The following SPTA1 variants were observed in gnomAD, a reference collection of about 807,000 sequenced individuals.
The protein encoded by SPTA1 is spectrin alpha chain, erythrocytic 1.
A neutral mutation model predicts 324.7 loss-of-function variants in SPTA1; 177 were observed. That is an observed-to-expected ratio of 0.55 (90% CI 0.48 to 0.62). SPTA1 has a LOEUF of 0.62. Among genes scored for constraint, SPTA1 ranks in the 20% least tolerant of loss-of-function variants. The pLI, the probability that SPTA1 is intolerant of heterozygous loss-of-function variation, is 0.00. For synonymous variants in SPTA1, 1,195 were observed against 1,041.3 expected, an observed-to-expected ratio of 1.15 and a Z score of -2.84; for missense variants, 3,162 against 2,883.6, an observed-to-expected ratio of 1.10 and a Z score of -2.21.
At chr1:158,634,514 A>C in intron 39 of SPTA1, 29 bp downstream of exon 39, 1 of 1,613,182 alleles carries the variant, frequency 6.2e-7, no homozygotes, top group Non-Finnish European at 8.5e-7. Flanking sequence ...TGAAGAGAAG[A>C]AAATTGATTC....
rs535544776 is a variant in SPTA1 at position 158,666,255 on chromosome 1, C to A, written c.2220+61G>T. 8 of 1,543,794 alleles carry A rather than the reference C, an allele frequency of 5.2e-6. No individual in the cohort carries two copies. In the South Asian group the frequency reaches 9.0e-5, roughly 17 times the overall value. The stretch of plus-strand genomic sequence containing the variant: ...GTAATAATTACTTATTACTTAATAA[C>A]GAGTGTGCTCAGAGCATATACACCC... On this transcript the variant is annotated intron_variant, in intron 16 of 51. Transcript: ENST00000643759.
chr1:158,646,309 T>G (rs1651995110), intron 27 of SPTA1, among the ~76,000 whole-genome samples: 1 of 152,188 alleles, frequency 6.6e-6, no homozygotes. Context: ...TTACTCTTGT[T>G]TGCTCAACAG....
chr1:158,642,763 C>A, intron 32 of SPTA1, 51 bp downstream of exon 32: 1 of 1,613,316 alleles, frequency 6.2e-7, no homozygotes, highest in Non-Finnish European at 8.5e-7. Context: ...GACTATCCAA[C>A]CAACAAGCTC....
At chr1:158,661,061 AT>A (rs1165370131) in intron 18 of SPTA1, among the ~76,000 whole-genome samples, 1 of 152,204 alleles carries the variant, frequency 6.6e-6, no homozygotes, top group Non-Finnish European at 1.5e-5. Flanking sequence ...TACTTTAATA[AT>A]TTTTGTTTTA....
In SPTA1 at chr1:158,638,158, T is replaced by G; in HGVS notation, c.5064A>C (p.Lys1688Asn). 1 of 1,613,940 alleles carries G rather than the reference T, an allele frequency of 6.2e-7. No homozygotes were observed. The highest frequency in any genetic ancestry group is 1.7e-5 in the Admixed American group (1 of 59,954). The change falls in exon 36 of 52, where the codon AAA (lysine) becomes AAC (asparagine). Residue 1688 changes from lysine to asparagine, a missense_variant. Physicochemically the swap from Lys to Asn is moderately conservative, Grantham distance 94 (BLOSUM62 0). Transcript: ENST00000643759. The stretch of plus-strand genomic sequence containing the variant: ...TCAGGAAACGCTTGTTGACATTATC[T>G]TTTTTCTTCACAATCTGATCAACGT... The part of the protein sequence containing the change: ...TFNVDQIVKK[K>N]DNVNKRFLNV...
Position 158,639,494 on chromosome 1 carries a change from G to A in SPTA1, c.4980+88C>T, listed in dbSNP as rs931338507. On this transcript the variant is annotated intron_variant, in intron 35 of 51. Coordinates refer to ENST00000643759, the MANE Select transcript of SPTA1 (RefSeq NM_003126.4). ...ACTAAGAACAATTTTGCAAGGCTAT[G>A]TTTTCAAATGGTCTCCTAACATGGG... 5.7e-6 allele frequency: 8 copies of A among 1,397,176 alleles called. No homozygotes were observed. In the African/African-American group the frequency reaches 9.9e-5, roughly 17 times the overall value. The allele number at this position is 1,397,176 out of a possible 1,614,324, so 86.5% of individuals were successfully genotyped here.
At chr1:158,612,480 C>A in intron 51 of SPTA1, 1 of 343,422 alleles carries the variant, frequency 2.9e-6, no homozygotes, top group Non-Finnish European at 5.6e-6. Context: ...AATTTAGGGA[C>A]TGTGTCTTAC....
In SPTA1 at chr1:158,617,601, C is replaced by G; in HGVS notation, c.6549-13G>C. 6.2e-7 allele frequency: 1 copy of G among 1,606,980 alleles called. No homozygotes were observed. Among genetic ancestry groups the G allele is most frequent in the Non-Finnish European group, 8.5e-7 (1 of 1,173,694 alleles). On this transcript the variant is annotated splice_polypyrimidine_tract_variant and intron_variant, in intron 46 of 51. Transcript: ENST00000643759. ...TTTGAGCAATGATCTAGTTAAGAAC[C>G]GAAGGAAATCATTATGCATCACATC...
At chr1:158,644,898 C>T (rs1028238509) in intron 29 of SPTA1, among the ~76,000 whole-genome samples, 2 of 152,148 alleles carry the variant, frequency 1.3e-5, no homozygotes, top group Non-Finnish European at 2.9e-5. Flanking sequence ...AGAGTAGAGT[C>T]TCAACAAAAA....
intron 39 of SPTA1, among the ~76,000 whole-genome samples, chr1:158,629,187 C>CTA (rs1553225657): frequency 0.053 from 7,861 of 148,224 alleles, 252 homozygotes; most frequent in Non-Finnish European, 0.06. Context: ...CAAAATATAT[C>CTA]TCTATCTATC....
At position 158,674,607 on chromosome 1, in the gene SPTA1, T is replaced by C. The variant is rs111834376; in HGVS notation, c.1181A>G (p.Asn394Ser). The change falls in exon 9 of 52, where the codon AAT (asparagine) becomes AGT (serine). Residue 394 changes from asparagine to serine, a missense_variant. Physicochemically the swap from Asn to Ser is conservative, Grantham distance 46 (BLOSUM62 1). Coordinates refer to ENST00000643759, the MANE Select transcript of SPTA1 (RefSeq NM_003126.4). The stretch of plus-strand genomic sequence containing the variant: ...CACATCTGTTGGCAGCTCATCAGCA[T>C]TGATCGCAGCAGTCTTCTCGTTCAT... ...GWMNEKTAAINADELPTDVAG... is the reference protein window; with the variant it reads ...GWMNEKTAAISADELPTDVAG... 4.9e-4 allele frequency: 785 copies of C among 1,614,128 alleles called. 6 individuals carry two copies. The African/African-American group carries it at 6.7e-3, about 14-fold the overall frequency.
At chr1:158,648,687 A>T in intron 25 of SPTA1, 34 bp from the exon 26 acceptor site, 1 of 1,611,672 alleles carries the variant, frequency 6.2e-7, no homozygotes, top group Non-Finnish European at 8.5e-7. Context: ...TTCAAAAGTA[A>T]GGATATGTAC....
intron 3 of SPTA1, 58 bp from the exon 4 acceptor site, chr1:158,681,725 C>CA: frequency 1.2e-6 from 2 of 1,610,222 alleles, no homozygotes; most frequent in Middle Eastern, 1.7e-4. Context: ...GGGAAACACT[C>CA]AGAGACTTGT....
rs187964839 is a variant in SPTA1 at position 158,650,541 on chromosome 1, C to T, written c.3478-594G>A. ...TGAATCAGGTCAAGAATGGCCTCTCCTCTGTCTCTACTGACCTATATTCTC... is the reference window on the plus strand; with the variant it reads ...TGAATCAGGTCAAGAATGGCCTCTCTTCTGTCTCTACTGACCTATATTCTC... On this transcript the variant is annotated intron_variant, in intron 24 of 51. Transcript: ENST00000643759. 7.0e-4 allele frequency among the ~76,000 whole-genome samples: 107 copies of T among 152,282 alleles called. No individual in the cohort carries two copies. In the Middle Eastern group the frequency reaches 0.01, roughly 15 times the overall value.
At position 158,680,502 on chromosome 1, in the gene SPTA1, A is replaced by G. The variant is rs528701739; in HGVS notation, c.678+81T>C. ...TTTCTCACAATGCCCCATCTCCTTC[A>G]TATCCATCTACTAATGGCCAGAAGT... On this transcript the variant is annotated intron_variant, in intron 5 of 51. Coordinates refer to ENST00000643759, the MANE Select transcript of SPTA1 (RefSeq NM_003126.4). The G allele has an allele frequency of 1.9e-6, 3 of 1,590,068 alleles. No homozygotes were observed. In the African/African-American group the frequency reaches 4.0e-5, roughly 21 times the overall value.
chr1:158,611,110 G>A lies in SPTA1; in HGVS notation c.*154C>T. 1 of 968,978 alleles carries A rather than the reference G, an allele frequency of 1.0e-6. No individual in the cohort carries two copies. Among genetic ancestry groups the A allele is most frequent in the African/African-American group, 1.7e-5 (1 of 58,028 alleles). The allele number at this position is 968,978 out of a possible 1,614,324, so 60.0% of individuals were successfully genotyped here. On this transcript the variant is annotated 3_prime_UTR_variant, in exon 52 of 52. Transcript: ENST00000643759. Reference sequence around the variant, plus strand: ...GATTTTTTAAGATCCTACAATAAATGTAATATGCACACAAACACAAGCACA... The same window carrying A: ...GATTTTTTAAGATCCTACAATAAATATAATATGCACACAAACACAAGCACA...
chr1:158,640,019 AG>A lies in SPTA1; in HGVS notation c.4738-13del, dbSNP rs1420666243. ...TGTTCCAGTTGCTCCTAACCCAAGG[AG>A]AGTGAGGAGTCATTACAATCTTTAG... On this transcript the variant is annotated splice_polypyrimidine_tract_variant and intron_variant, in intron 33 of 51. Transcript: ENST00000643759. 1 of 1,613,582 alleles carries A rather than the reference AG, an allele frequency of 6.2e-7. No homozygotes were observed. Among genetic ancestry groups the A allele is most frequent in the African/African-American group, 1.3e-5 (1 of 74,876 alleles).
In SPTA1 at chr1:158,685,333, A is replaced by G. The variant is rs368463827; in HGVS notation, c.39T>C (p.Ser13=). ...CTGCTGTTTCCAAAACCTTTGGCCCACTGCTCTCCACAACCTGCAAGTTAA... is the reference window on the plus strand; with the variant it reads ...CTGCTGTTTCCAAAACCTTTGGCCCGCTGCTCTCCACAACCTGCAAGTTAA... ...QFPKETVVES[S]GPKVLETAEE... is the part of the protein sequence containing the mutation. Residue 13 remains serine (S), a synonymous_variant, in exon 2 of 52, where the codon AGT becomes AGC. Transcript: ENST00000643759. 6.2e-6 allele frequency: 10 copies of G among 1,613,286 alleles called. No individual in the cohort carries two copies. Among genetic ancestry groups the G allele is most frequent in the Non-Finnish European group, 8.5e-6 (10 of 1,179,768 alleles).
At position 158,662,837 on chromosome 1, in the gene SPTA1, C is replaced by T; in HGVS notation, c.2329G>A (p.Ala777Thr). The change falls in exon 17 of 52, where the codon GCT becomes ACT. Residue 777 changes from alanine to threonine, a missense_variant. Ala to Thr is a moderately conservative substitution (Grantham distance 58). Transcript: ENST00000643759. Reference protein sequence around the residue: ...RQESLVCRFEALKEPLATRKK... With the variant: ...RQESLVCRFETLKEPLATRKK... The stretch of plus-strand genomic sequence containing the variant: ...CGGGTGGCCAGTGGCTCTTTCAGAG[C>T]TTCAAATCGGCATACCAAGGACTCT... 1 of 1,614,090 alleles carries T rather than the reference C, an allele frequency of 6.2e-7. No homozygotes were observed. Among genetic ancestry groups the T allele is most frequent in the Non-Finnish European group, 8.5e-7 (1 of 1,179,986 alleles).
Sources: gnomAD v4.1 joint callset for allele counts (sites outside exome capture counted in the v4.1 genomes callset) on GRCh38, gnomAD v4.1.1 for gene constraint, MANE v1.5 for transcripts, NCBI Gene and HGNC (gene_info 2026-07-23, HGNC 2026-07-21) for gene names.